Variants in SCARB2 observed in about 807,000 individuals in gnomAD.
The protein encoded by SCARB2 is scavenger receptor class B member 2, also known as lysosome membrane protein 2.
Under a neutral mutation model 58.6 loss-of-function variants are expected in SCARB2, and 29 were observed. That is an observed-to-expected ratio of 0.49 (90% confidence interval 0.37 to 0.67). The LOEUF (loss-of-function observed/expected upper bound fraction) is 0.67. SCARB2 is among the 30% of genes least tolerant of loss of function. The probability of loss-of-function intolerance (pLI) is 0.00; values close to 1 mark genes in which losing one functional copy is unlikely to be tolerated. For missense variants in SCARB2, 488 were observed against 578.5 expected (o/e 0.84, Z 1.60); for synonymous variants, 195 against 210.1 (o/e 0.93, Z 0.62).
At chr4:76,172,885 C>G (rs968432356) in intron 7 of SCARB2, 4 of 152,004 alleles carry the variant, frequency 2.6e-5, no homozygotes, top group African/African-American at 4.8e-5. Context: ...GAGAAAGGGA[C>G]TACACAGAGA....
intron 7 of SCARB2, 112 bp from the exon 8 acceptor site, chr4:76,170,097 C>A: frequency 1.1e-6 from 1 of 895,812 alleles, no homozygotes; most frequent in Non-Finnish European, 1.8e-6. Context: ...AAAAAAGCTA[C>A]ATATAAATTA....
At chr4:76,168,371 C>A in intron 9 of SCARB2, 32 bp downstream of exon 9, 1 of 1,553,358 alleles carries the variant, frequency 6.4e-7, no homozygotes. Flanking sequence ...AGCAAAACTG[C>A]TGTCCCCTCC....
intron 5 of SCARB2, 168 bp downstream of exon 5, chr4:76,176,269 T>C (rs1732249772): frequency 1.6e-6 from 1 of 618,582 alleles, no homozygotes; most frequent in African/African-American, 1.8e-5. Flanking sequence ...ATCTGTAAGA[T>C]GTTTTACCAC....
intron 4 of SCARB2, among the ~76,000 whole-genome samples, chr4:76,177,849 T>C (rs576476873): frequency 1.3e-5 from 2 of 152,228 alleles, no homozygotes; most frequent in South Asian, 2.1e-4. Context: ...AGAAAGTAGA[T>C]TAGTGGTTGC....
chr4:76,186,123 C>T (rs1273212885), intron 2 of SCARB2, among the ~76,000 whole-genome samples: 1 of 152,104 alleles, frequency 6.6e-6, no homozygotes, highest in African/African-American at 2.4e-5. Context: ...TCAGAGGCCA[C>T]CTCCTTCACA....
intron 3 of SCARB2, 69 bp downstream of exon 3, chr4:76,180,885 A>G (rs1257542944): frequency 1.5e-6 from 2 of 1,363,010 alleles, no homozygotes; most frequent in Non-Finnish European, 2.0e-6. Flanking sequence ...GTAAAATCAT[A>G]AAGAGCATTA....
intron 1 of SCARB2, among the ~76,000 whole-genome samples, chr4:76,208,894 G>A (rs1489311347): frequency 1.3e-5 from 2 of 152,168 alleles, no homozygotes; most frequent in African/African-American, 4.8e-5. Context: ...GAAATCTTTT[G>A]GAGGAAAGGG....
At chr4:76,186,802 T>G (rs1016975800) in intron 2 of SCARB2, among the ~76,000 whole-genome samples, 1 of 151,648 alleles carries the variant, frequency 6.6e-6, no homozygotes, top group Admixed American at 6.6e-5. Context: ...CTTTTTCTAT[T>G]TTTTTTTACT....
chr4:76,190,432 T>A (rs1732580554), intron 2 of SCARB2, among the ~76,000 whole-genome samples: 1 of 152,186 alleles, frequency 6.6e-6, no homozygotes, highest in Non-Finnish European at 1.5e-5. Flanking sequence ...GAGGAATTCA[T>A]TCTTGACTGA....
chr4:76,167,882 A>T (rs1400313619), intron 9 of SCARB2, among the ~76,000 whole-genome samples: 1 of 152,052 alleles, frequency 6.6e-6, no homozygotes, highest in Non-Finnish European at 1.5e-5. Context: ...AGGTTTCACC[A>T]TGTTGGCCAG....
intron 1 of SCARB2, among the ~76,000 whole-genome samples, chr4:76,228,402 C>A (rs1393570397): frequency 1.3e-5 from 2 of 151,706 alleles, no homozygotes; most frequent in East Asian, 3.9e-4. Flanking sequence ...TCACTTGAAC[C>A]CGGAAGGTGA....
At chr4:76,175,531 AAGTG>A (rs1732234887) in intron 6 of SCARB2, 1 of 481,670 alleles carries the variant, frequency 2.1e-6, no homozygotes, top group African/African-American at 2.0e-5. Context: ...CAAATAAGGA[AAGTG>A]AGGTACAGAG....
chr4:76,168,674 G>T (rs749060627), intron 8 of SCARB2, among the ~76,000 whole-genome samples, 198 bp from the exon 9 acceptor site: 1 of 152,224 alleles, frequency 6.6e-6, no homozygotes, highest in South Asian at 2.1e-4. Flanking sequence ...TGATAGACCA[G>T]TGTGTCTCAA....
intron 1 of SCARB2, among the ~76,000 whole-genome samples, chr4:76,223,273 C>T (rs1172940914): frequency 6.6e-6 from 1 of 152,156 alleles, no homozygotes; most frequent in African/African-American, 2.4e-5. Context: ...AGTGCTTGGC[C>T]TGTGAAAGGC....
At chr4:76,233,216 G>A (rs958542323) in intron 1 of SCARB2, among the ~76,000 whole-genome samples, 2 of 152,124 alleles carry the variant, frequency 1.3e-5, no homozygotes, top group Non-Finnish European at 2.9e-5. Flanking sequence ...TGTTCTAATT[G>A]TGTGCTAACT....
upstream of SCARB2, among the ~76,000 whole-genome samples, chr4:76,215,237 G>C (rs999445168): frequency 4.6e-5 from 7 of 152,196 alleles, no homozygotes; most frequent in Admixed American, 2.0e-4. Context: ...CATTTTCTTG[G>C]CAACTATAGT....
At chr4:76,206,193 C>G (rs112833420) in intron 1 of SCARB2, among the ~76,000 whole-genome samples, 11 of 152,092 alleles carry the variant, frequency 7.2e-5, no homozygotes, top group African/African-American at 2.7e-4. Flanking sequence ...CCAAATCTGC[C>G]GGGGCCTTGA....
intron 1 of SCARB2, among the ~76,000 whole-genome samples, chr4:76,219,552 T>C (rs181127946): frequency 1.3e-5 from 2 of 152,250 alleles, no homozygotes; most frequent in East Asian, 3.9e-4. Flanking sequence ...TCTTTAATGA[T>C]GTGTTCCATG....
At chr4:76,198,087 G>A (rs923589488) in intron 1 of SCARB2, among the ~76,000 whole-genome samples, 3 of 152,098 alleles carry the variant, frequency 2.0e-5, no homozygotes, top group Admixed American at 6.5e-5. Flanking sequence ...AGGAGCAGCC[G>A]CCCCCACTCT....
Sources: allele counts gnomAD v4.1 joint callset (sites outside exome capture counted in the v4.1 genomes callset), GRCh38; gene constraint gnomAD v4.1.1; transcripts MANE v1.5; gene names NCBI Gene and HGNC (gene_info 2026-07-23, HGNC 2026-07-21).